PPP3CA: variants seen among roughly 807,000 people sequenced by gnomAD.
PPP3CA encodes the protein protein phosphatase 3 catalytic subunit alpha.
A neutral mutation model predicts 66.5 loss-of-function variants in PPP3CA; 14 were observed. The observed-to-expected ratio is 0.21, with a 90% confidence interval of 0.14 to 0.33. The LOEUF (loss-of-function observed/expected upper bound fraction) is 0.33. Among genes scored for constraint, PPP3CA ranks in the 10% least tolerant of loss-of-function variants. The pLI is 1.00. For missense variants in PPP3CA, 317 were observed against 639.5 expected (o/e 0.50, Z 5.44); for synonymous variants, 232 against 226.2 (o/e 1.03, Z -0.23).
intron 1 of PPP3CA, among the ~76,000 whole-genome samples, chr4:101,304,168 A>T (rs748707171): frequency 7.9e-5 from 12 of 152,178 alleles, no homozygotes; most frequent in Non-Finnish European, 1.5e-4. Flanking sequence ...GACCTCTTTC[A>T]TCAGGATATT....
At chr4:101,227,187 A>G (rs534755116) in intron 1 of PPP3CA, among the ~76,000 whole-genome samples, 1 of 151,898 alleles carries the variant, frequency 6.6e-6, no homozygotes, top group Non-Finnish European at 1.5e-5. Flanking sequence ...GTATGGAGAA[A>G]CAGAAAACAC....
intron 2 of PPP3CA, among the ~76,000 whole-genome samples, chr4:101,152,449 T>A (rs919493143): frequency 4.6e-5 from 7 of 152,234 alleles, no homozygotes; most frequent in Admixed American, 6.5e-5. Flanking sequence ...CAGTACACCC[T>A]GTCCAAATGA....
At position 101,303,664 on chromosome 4, in the gene PPP3CA, G is replaced by A. The variant is rs114730956; in HGVS notation, c.58+43075C>T. 3.1e-3 allele frequency among the ~76,000 whole-genome samples: 477 copies of A among 152,136 alleles called. 2 individuals are homozygous for A. The highest frequency in any genetic ancestry group is 0.011 in the African/African-American group (443 of 41,510). ...CAGGTTGTTAACAATAGACATTCTC[G>A]TACTCTATGTATTGGTATTCTCTAT... On this transcript the variant is annotated intron_variant, in intron 1 of 13. Transcript: ENST00000394854.
chr4:101,273,951 CA>C (rs1020514133), intron 1 of PPP3CA, among the ~76,000 whole-genome samples: 18 of 151,332 alleles, frequency 1.2e-4, no homozygotes, highest in African/African-American at 4.4e-4. Flanking sequence ...AAAAAACTAA[CA>C]GCTGAAAAAA....
intron 1 of PPP3CA, among the ~76,000 whole-genome samples, chr4:101,270,773 A>G (rs1727313700): frequency 1.3e-5 from 2 of 152,168 alleles, no homozygotes; most frequent in African/African-American, 4.8e-5. Flanking sequence ...CAATTCGATA[A>G]TATTCATTTT....
At chr4:101,258,728 A>C (rs985539316) in intron 1 of PPP3CA, among the ~76,000 whole-genome samples, 1 of 152,112 alleles carries the variant, frequency 6.6e-6, no homozygotes, top group African/African-American at 2.4e-5. Flanking sequence ...AAAACTCAGA[A>C]AGAAAGGAGA....
At chr4:101,154,808 A>ATTTTTTTTTTTTTTTTTT (rs779695561) in intron 2 of PPP3CA, among the ~76,000 whole-genome samples, 1 of 90,614 alleles carries the variant, frequency 1.1e-5, no homozygotes, top group Non-Finnish European at 2.0e-5. Flanking sequence ...CACTCCCAGA[A>ATTTTTTTTTTTTTTTTTT]TTTTTTTTTT....
At chr4:101,079,987 T>A (rs1410820421) in intron 8 of PPP3CA, among the ~76,000 whole-genome samples, 1 of 152,206 alleles carries the variant, frequency 6.6e-6, no homozygotes, top group Admixed American at 6.5e-5. Flanking sequence ...AGTCTGCATA[T>A]TAAAGAAGGA....
chr4:101,206,212 C>T (rs988107872), intron 1 of PPP3CA, among the ~76,000 whole-genome samples: 1 of 152,206 alleles, frequency 6.6e-6, no homozygotes, highest in African/African-American at 2.4e-5. Flanking sequence ...CAATTCTCTG[C>T]ACCTCTAATG....
chr4:101,182,261 T>C (rs959455765), intron 2 of PPP3CA, among the ~76,000 whole-genome samples: 1 of 152,160 alleles, frequency 6.6e-6, no homozygotes. Context: ...TTAGATACAG[T>C]TATTTCCCTC....
chr4:101,202,488 G>A (rs769255558), intron 1 of PPP3CA, among the ~76,000 whole-genome samples: 4 of 152,222 alleles, frequency 2.6e-5, no homozygotes, highest in Non-Finnish European at 2.9e-5. Flanking sequence ...GTTTATTTAT[G>A]CACAGAATGG....
chr4:101,232,637 A>G (rs1356473782), intron 1 of PPP3CA, among the ~76,000 whole-genome samples: 1 of 151,726 alleles, frequency 6.6e-6, no homozygotes, highest in African/African-American at 2.4e-5. Context: ...GTTTAATTTT[A>G]CATGCTTTCT....
At chr4:101,319,745 G>A (rs1728983475) in intron 1 of PPP3CA, among the ~76,000 whole-genome samples, 1 of 152,076 alleles carries the variant, frequency 6.6e-6, no homozygotes, top group Non-Finnish European at 1.5e-5. Flanking sequence ...ATCAATTGAT[G>A]AAAACTGTTT....
intron 1 of PPP3CA, among the ~76,000 whole-genome samples, chr4:101,206,728 G>A (rs1382361283): frequency 1.3e-5 from 2 of 152,136 alleles, no homozygotes; most frequent in Non-Finnish European, 2.9e-5. Context: ...ATGTAAGAAA[G>A]GATTGTCTTT....
At chr4:101,153,702 CA>C (rs1402856098) in intron 2 of PPP3CA, among the ~76,000 whole-genome samples, 1 of 152,108 alleles carries the variant, frequency 6.6e-6, no homozygotes, top group African/African-American at 2.4e-5. Context: ...TAGGAAAAAA[CA>C]AACAGCTCCC....
At chr4:101,030,918 G>GT (rs754737196) in intron 12 of PPP3CA, among the ~76,000 whole-genome samples, 19 of 150,744 alleles carry the variant, frequency 1.3e-4, no homozygotes, top group Non-Finnish European at 2.2e-4. Flanking sequence ...TTATGCTAAT[G>GT]TTTTAGTAAG....
At chr4:101,026,665 A>AATT (rs951626393) in intron 13 of PPP3CA, among the ~76,000 whole-genome samples, 1 of 151,820 alleles carries the variant, frequency 6.6e-6, no homozygotes, top group Non-Finnish European at 1.5e-5. Context: ...AAAAAAAAGA[A>AATT]ATTATAAACT....
At chr4:101,320,484 G>T in intron 1 of PPP3CA, among the ~76,000 whole-genome samples, 1 of 118,182 alleles carries the variant, frequency 8.5e-6, no homozygotes, top group African/African-American at 4.2e-5. Context: ...ATGTGTGTGT[G>T]TGTGTGTATA....
intron 1 of PPP3CA, among the ~76,000 whole-genome samples, chr4:101,272,877 G>A (rs1373837117): frequency 6.6e-6 from 1 of 152,120 alleles, no homozygotes; most frequent in Non-Finnish European, 1.5e-5. Context: ...TTCCCTTAAG[G>A]TAAGAGAGTT....
Sources: gnomAD v4.1 joint callset for allele counts (sites outside exome capture counted in the v4.1 genomes callset) on GRCh38, gnomAD v4.1.1 for gene constraint, MANE v1.5 for transcripts, NCBI Gene and HGNC (gene_info 2026-07-23, HGNC 2026-07-21) for gene names.